BNC2: variants seen among roughly 807,000 people sequenced by gnomAD.
BNC2 encodes basonuclin zinc finger protein 2.
Under a neutral mutation model 76.3 loss-of-function variants are expected in BNC2, and 20 were observed. The ratio of observed to expected loss-of-function variants is 0.26; its 90% CI spans 0.18 to 0.38. The LOEUF is 0.38. BNC2 is among the 10% of genes least tolerant of loss of function. The probability of loss-of-function intolerance (pLI) is 1.00; values close to 1 mark genes in which losing one functional copy is unlikely to be tolerated. For missense variants in BNC2, 1,382 were observed against 1,399.8 expected, an observed-to-expected ratio of 0.99 and a Z score of 0.20; for synonymous variants, 582 against 514.8, an observed-to-expected ratio of 1.13 and a Z score of -1.77.
In BNC2 at chr9:16,835,618, C is replaced by T. The variant is rs1586922014; in HGVS notation, c.3+35028G>A. ...TGGGAGACTGAGGCAAGGAGAATCA[C>T]TTGAACCTGGGAGGCGGAGGTTGCA... is the stretch of plus-strand genomic sequence containing the variant. On this transcript the variant is annotated intron_variant, in intron 1 of 6. Coordinates refer to ENST00000380672, the MANE Select transcript of BNC2 (RefSeq NM_017637.6). Among the ~76,000 whole-genome samples, 3 of 152,330 alleles carry T rather than the reference C, an allele frequency of 2.0e-5. No homozygotes were observed. The East Asian group carries it at 5.8e-4, about 29-fold the overall frequency.
At chr9:16,738,068 A>C (rs1290852714) in intron 2 of BNC2, among the ~76,000 whole-genome samples, 4 of 152,194 alleles carry the variant, frequency 2.6e-5, no homozygotes, top group Non-Finnish European at 4.4e-5. Flanking sequence ...GAAAGAAAGA[A>C]TAGAAAAAGG....
At chr9:16,624,181 T>C (rs945220318) in intron 3 of BNC2, among the ~76,000 whole-genome samples, 3 of 152,216 alleles carry the variant, frequency 2.0e-5, no homozygotes, top group Non-Finnish European at 2.9e-5. Flanking sequence ...TCATGTGTTA[T>C]TAATAAGCTA....
At chr9:16,552,169 G>C (rs1443483270) in intron 5 of BNC2, among the ~76,000 whole-genome samples, 1 of 152,008 alleles carries the variant, frequency 6.6e-6, no homozygotes, top group Non-Finnish European at 1.5e-5. Flanking sequence ...CAAATGAAGG[G>C]TAATCTCAGA....
At chr9:16,620,281 A>G (rs1334298959) in intron 3 of BNC2, among the ~76,000 whole-genome samples, 1 of 152,204 alleles carries the variant, frequency 6.6e-6, no homozygotes, top group Non-Finnish European at 1.5e-5. Flanking sequence ...ATCAGAGCTA[A>G]AATATGACCC....
At chr9:16,597,155 A>G (rs77720890) in intron 3 of BNC2, among the ~76,000 whole-genome samples, 2,072 of 152,260 alleles carry the variant, frequency 0.014, 43 homozygotes, top group African/African-American at 0.046. Context: ...GGAAAGAAAA[A>G]TTCCAATAAT....
chr9:16,710,173 C>G (rs1210038264), intron 3 of BNC2, among the ~76,000 whole-genome samples: 1 of 152,138 alleles, frequency 6.6e-6, no homozygotes, highest in African/African-American at 2.4e-5. Context: ...CTCTTCCCCT[C>G]CTACACCTGG....
intron 3 of BNC2, among the ~76,000 whole-genome samples, chr9:16,658,801 G>T (rs951549725): frequency 2.0e-5 from 3 of 152,112 alleles, no homozygotes; most frequent in Non-Finnish European, 2.9e-5. Context: ...TTACCCAGAT[G>T]TTGAAGGCAC....
Position 16,515,669 on chromosome 9 carries a change from T to C in BNC2, c.669+36861A>G, listed in dbSNP as rs952350077. ...CACCTTGATCCAGTACACATTCTCT[T>C]TGATGTCTCTGCAGTGAGTTCACTG... On this transcript the variant is annotated intron_variant, in intron 5 of 6. Coordinates refer to ENST00000380672, the MANE Select transcript of BNC2 (RefSeq NM_017637.6). 6.6e-5 allele frequency among the ~76,000 whole-genome samples: 10 copies of C among 151,628 alleles called. 1 individual carries two copies. Among genetic ancestry groups the C allele is most frequent in the South Asian group, 2.1e-4 (1 of 4,780 alleles).
intron 3 of BNC2, among the ~76,000 whole-genome samples, chr9:16,693,163 GA>G (rs1046487385): frequency 6.6e-6 from 1 of 151,632 alleles, no homozygotes; most frequent in Non-Finnish European, 1.5e-5. Context: ...TTCACTGGGG[GA>G]TGAGGGGGTG....
rs1459732614 is a variant in BNC2 at position 16,415,065 on chromosome 9, G to A, written c.*3924C>T. ...GACAGTGGCACCATTGTGCCAAAAA[G>A]GTTTTAAAAAATGTTTGCCATGTTG... On this transcript the variant is annotated 3_prime_UTR_variant, in exon 7 of 7. Transcript: ENST00000380672. 2.0e-5 allele frequency: 3 copies of A among 151,860 alleles called. No individual in the cohort carries two copies. The highest frequency in any genetic ancestry group is 7.3e-5 in the African/African-American group (3 of 41,342). The allele number at this position is 151,860 out of a possible 1,614,324, so 9.4% of individuals were successfully genotyped here.
chr9:16,712,854 T>C (rs1255105283), intron 3 of BNC2, among the ~76,000 whole-genome samples: 1 of 152,210 alleles, frequency 6.6e-6, no homozygotes, highest in Non-Finnish European at 1.5e-5. Context: ...ATTCTGCCAA[T>C]AGCTTTAGGG....
chr9:16,823,898 C>G (rs1000430919), intron 1 of BNC2, among the ~76,000 whole-genome samples: 3 of 152,154 alleles, frequency 2.0e-5, no homozygotes, highest in Non-Finnish European at 4.4e-5. Flanking sequence ...AAATCCCTAA[C>G]AGCTCCTATC....
intron 5 of BNC2, among the ~76,000 whole-genome samples, chr9:16,541,651 A>C (rs144496932): frequency 1.2e-4 from 18 of 152,306 alleles, no homozygotes; most frequent in Middle Eastern, 3.4e-3. Context: ...TGCATGCTTA[A>C]AAAGAGGCAA....
At chr9:16,620,501 T>C (rs1315014651) in intron 3 of BNC2, among the ~76,000 whole-genome samples, 1 of 152,180 alleles carries the variant, frequency 6.6e-6, no homozygotes, top group Non-Finnish European at 1.5e-5. Context: ...GATATCATTA[T>C]AAAAATTTCA....
At chr9:16,482,725 T>C (rs1822085691) in intron 5 of BNC2, among the ~76,000 whole-genome samples, 3 of 152,196 alleles carry the variant, frequency 2.0e-5, no homozygotes, top group Non-Finnish European at 4.4e-5. Context: ...CCCTCTGTGT[T>C]TCTAATTTAA....
intron 1 of BNC2, among the ~76,000 whole-genome samples, chr9:16,852,561 A>G (rs1819153001): frequency 6.6e-6 from 1 of 152,238 alleles, no homozygotes; most frequent in South Asian, 2.1e-4. Flanking sequence ...AATTAGTAAG[A>G]CAAAGGACCC....
At position 16,807,722 on chromosome 9, in the gene BNC2, CATTG is replaced by C. The variant is rs200306407; in HGVS notation, c.3+62920_3+62923del. On this transcript the variant is annotated intron_variant, in intron 1 of 6. Transcript: ENST00000380672. ...TGAGGATAAAGACCTGTAACTAATT[CATTG>C]ATTAACATAAAGCTATTGTTATCTA... 5.6e-3 allele frequency among the ~76,000 whole-genome samples: 857 copies of C among 152,242 alleles called. 7 individuals are homozygous for C. Among genetic ancestry groups the C allele is most frequent in the South Asian group, 0.025 (122 of 4,818 alleles).
In BNC2 at chr9:16,689,084, G is replaced by A. The variant is rs553778886; in HGVS notation, c.330+38713C>T. ...CAGAAAACATATTTTCTGTGGGGCA[G>A]GGAGGAAATATGGCAGGCTTCCTAC... is the stretch of plus-strand genomic sequence containing the variant. On this transcript the variant is annotated intron_variant, in intron 3 of 6. Transcript: ENST00000380672. Among the ~76,000 whole-genome samples the A allele has an allele frequency of 4.0e-5, 6 of 148,746 alleles. No homozygotes were observed. In the South Asian group the frequency reaches 1.3e-3, roughly 31 times the overall value.
At chr9:16,803,592 T>C (rs1392241524) in intron 1 of BNC2, among the ~76,000 whole-genome samples, 1 of 152,194 alleles carries the variant, frequency 6.6e-6, no homozygotes, top group Non-Finnish European at 1.5e-5. Context: ...TGGGCCCCAC[T>C]GGACAAAAAG....
Sources: allele counts gnomAD v4.1 joint callset (sites outside exome capture counted in the v4.1 genomes callset), GRCh38; gene constraint gnomAD v4.1.1; transcripts MANE v1.5; gene names NCBI Gene and HGNC (gene_info 2026-07-23, HGNC 2026-07-21).